The following CLSTN2 variants were observed in gnomAD, a reference collection of about 807,000 sequenced individuals.
The protein encoded by CLSTN2 is calsyntenin-2.
In CLSTN2, 48 loss-of-function variants were observed where a neutral mutation model predicts 101.2. That is an observed-to-expected ratio of 0.47 (90% CI 0.38 to 0.60). CLSTN2 has a LOEUF of 0.60. Among genes scored for constraint, CLSTN2 ranks in the 20% least tolerant of loss-of-function variants. CLSTN2 has a pLI of 0.00. For synonymous variants in CLSTN2, 481 were observed against 463.6 expected (o/e 1.04, Z -0.48); for missense variants, 1,160 against 1,238.2 (o/e 0.94, Z 0.95).
intron 2 of CLSTN2, among the ~76,000 whole-genome samples, chr3:140,294,347 C>A (rs1482189530): frequency 6.6e-6 from 1 of 152,136 alleles, no homozygotes; most frequent in Admixed American, 6.6e-5. Flanking sequence ...ATTAAAATAA[C>A]AAAGGTTTAT....
intron 9 of CLSTN2, among the ~76,000 whole-genome samples, chr3:140,539,423 C>T (rs1935424016): frequency 6.6e-6 from 1 of 152,140 alleles, no homozygotes; most frequent in South Asian, 2.1e-4. Context: ...GTTTAAAGTT[C>T]AGTGAATCAT....
intron 2 of CLSTN2, among the ~76,000 whole-genome samples, chr3:140,242,212 A>G (rs1208266436): frequency 6.6e-6 from 1 of 152,118 alleles, no homozygotes; most frequent in Non-Finnish European, 1.5e-5. Context: ...GCACCCAGCC[A>G]CAGTATTTTA....
At position 140,085,641 on chromosome 3, in the gene CLSTN2, A is replaced by AT. The variant is rs1238564868; in HGVS notation, c.110-90303dup. On this transcript the variant is annotated intron_variant, in intron 1 of 16. Coordinates refer to ENST00000458420, the MANE Select transcript of CLSTN2 (RefSeq NM_022131.3). Reference sequence around the variant, plus strand: ...GTCCATCTGGTGAGACTCCGGTGTCATTTTTTTATATATCTTCTCTGAACA... The same window carrying AT: ...GTCCATCTGGTGAGACTCCGGTGTCATTTTTTTTATATATCTTCTCTGAACA... Among the ~76,000 whole-genome samples the AT allele has an allele frequency of 8.6e-5, 13 of 151,992 alleles. 1 individual carries two copies. The highest frequency in any genetic ancestry group is 8.5e-4 in the Admixed American group (13 of 15,252).
At chr3:140,188,958 C>T (rs1273815999) in intron 2 of CLSTN2, among the ~76,000 whole-genome samples, 3 of 152,210 alleles carry the variant, frequency 2.0e-5, no homozygotes, top group Non-Finnish European at 4.4e-5. Flanking sequence ...CCCTTGGCAA[C>T]AACTTACCTG....
chr3:140,515,999 A>T (rs1034601965), intron 8 of CLSTN2, among the ~76,000 whole-genome samples: 46 of 142,420 alleles, frequency 3.2e-4, no homozygotes, highest in African/African-American at 1.2e-3. Flanking sequence ...TAGTAATTGT[A>T]TAAATTTCGA....
chr3:140,075,733 C>G (rs994227873), intron 1 of CLSTN2, among the ~76,000 whole-genome samples: 15 of 152,146 alleles, frequency 9.9e-5, no homozygotes, highest in Non-Finnish European at 2.9e-5. Context: ...TCAAACTCAG[C>G]TTTTTTGGTT....
intron 2 of CLSTN2, among the ~76,000 whole-genome samples, chr3:140,243,793 A>C (rs1220070141): frequency 6.6e-6 from 1 of 152,198 alleles, no homozygotes; most frequent in African/African-American, 2.4e-5. Context: ...CAGATGTGTA[A>C]TCTCCAAGTG....
intron 1 of CLSTN2, among the ~76,000 whole-genome samples, chr3:140,154,854 C>G (rs1247359368): frequency 2.0e-5 from 3 of 151,926 alleles, no homozygotes; most frequent in Non-Finnish European, 4.4e-5. Context: ...CCGTGTTAGC[C>G]AGGATGGTCT....
chr3:140,505,991 C>T (rs1934677807), intron 8 of CLSTN2: 2 of 152,172 alleles, frequency 1.3e-5, no homozygotes, highest in South Asian at 4.1e-4. Context: ...TGGGCTCCAT[C>T]CCTGCCACTA....
Position 140,155,437 on chromosome 3 carries a change from G to A in CLSTN2, c.110-20514G>A, listed in dbSNP as rs116428050. Among the ~76,000 whole-genome samples, 249 of 152,318 alleles carry A rather than the reference G, an allele frequency of 1.6e-3. 2 individuals carry two copies. Among genetic ancestry groups the A allele is most frequent in the African/African-American group, 5.7e-3 (239 of 41,570 alleles). On this transcript the variant is annotated intron_variant, in intron 1 of 16. Transcript: ENST00000458420. Reference sequence around the variant, plus strand: ...TGAGATAGTGCCCATGAGCTGAGGAGCAGGTCTGGGGAGGAAAGTTGGCTC... The same window carrying A: ...TGAGATAGTGCCCATGAGCTGAGGAACAGGTCTGGGGAGGAAAGTTGGCTC...
rs928850468 is a variant in CLSTN2 at position 140,445,205 on chromosome 3, T to TGA, written c.788-3310_788-3309dup. ...CCTGCCCTGCCAGCTAGGGGGTGAG[T>TGA]GAGAGGATGAAGACCCTACAGGATT... On this transcript the variant is annotated intron_variant, in intron 5 of 16. Coordinates refer to ENST00000458420, the MANE Select transcript of CLSTN2 (RefSeq NM_022131.3). Among the ~76,000 whole-genome samples, 32 of 151,958 alleles carry TGA rather than the reference T, an allele frequency of 2.1e-4. 1 individual carries two copies. The East Asian group carries it at 3.9e-3, about 18-fold the overall frequency.
chr3:139,978,841 T>C (rs1002901374), intron 1 of CLSTN2, among the ~76,000 whole-genome samples: 2 of 151,822 alleles, frequency 1.3e-5, no homozygotes, highest in Non-Finnish European at 2.9e-5. Flanking sequence ...AATGAAAGAG[T>C]TGGCTAAAAT....
At chr3:140,494,297 T>C (rs1934415772) in intron 8 of CLSTN2, among the ~76,000 whole-genome samples, 1 of 152,190 alleles carries the variant, frequency 6.6e-6, no homozygotes, top group Non-Finnish European at 1.5e-5. Flanking sequence ...GTTTATGACG[T>C]TCTCCTTCAC....
chr3:140,264,468 A>G (rs2107885307), intron 2 of CLSTN2, among the ~76,000 whole-genome samples: 1 of 149,142 alleles, frequency 6.7e-6, no homozygotes, highest in African/African-American at 2.4e-5. Flanking sequence ...ATAATGCAAC[A>G]GTGACATAAA....
chr3:140,436,665 A>T (rs945038963), intron 5 of CLSTN2, among the ~76,000 whole-genome samples: 13 of 152,218 alleles, frequency 8.5e-5, no homozygotes, highest in African/African-American at 2.7e-4. Flanking sequence ...AGGCATGGAC[A>T]GTGGGGCCCC....
At chr3:139,997,131 A>T (rs942650308) in intron 1 of CLSTN2, among the ~76,000 whole-genome samples, 3 of 152,080 alleles carry the variant, frequency 2.0e-5, no homozygotes, top group African/African-American at 7.2e-5. Flanking sequence ...ATTTTAAAAA[A>T]TAGTTTTCAT....
intron 1 of CLSTN2, among the ~76,000 whole-genome samples, chr3:139,938,104 C>A (rs1398415051): frequency 1.4e-5 from 2 of 144,790 alleles, no homozygotes; most frequent in African/African-American, 5.1e-5. Flanking sequence ...TCTGACTTTG[C>A]CATTTTTAAG....
intron 1 of CLSTN2, among the ~76,000 whole-genome samples, chr3:139,956,701 A>G (rs1048411505): frequency 1.3e-5 from 2 of 152,222 alleles, no homozygotes; most frequent in Admixed American, 1.3e-4. Flanking sequence ...AAGCTATTGG[A>G]TAAGTGCAGA....
At chr3:140,094,178 C>T (rs187932903) in intron 1 of CLSTN2, among the ~76,000 whole-genome samples, 1 of 152,208 alleles carries the variant, frequency 6.6e-6, no homozygotes, top group African/African-American at 2.4e-5. Flanking sequence ...ATCCTACACA[C>T]ATTTGACAGT....
Sources: gnomAD v4.1 joint callset for allele counts (sites outside exome capture counted in the v4.1 genomes callset) on GRCh38, gnomAD v4.1.1 for gene constraint, MANE v1.5 for transcripts, NCBI Gene and HGNC (gene_info 2026-07-23, HGNC 2026-07-21) for gene names.